LRRC37A: variants seen among roughly 807,000 people sequenced by gnomAD.
LRRC37A encodes leucine rich repeat containing 37A, also known as leucine-rich repeat-containing protein 37A.
LRRC37A carries 3 observed loss-of-function variants against 35.4 expected under a neutral mutation model. That is an observed-to-expected ratio of 0.08 (90% CI 0.04 to 0.22). The LOEUF is 0.22. Among genes scored for constraint, LRRC37A ranks in the 10% least tolerant of loss-of-function variants. LRRC37A has a pLI of 1.00. For synonymous variants in LRRC37A, 23 were observed against 215.0 expected (o/e 0.11, Z 7.81); for missense variants, 67 against 565.3 (o/e 0.12, Z 8.94).
chr17:46,288,143 C>T (rs939781578), upstream of LRRC37A, among the ~76,000 whole-genome samples: 2 of 151,710 alleles, frequency 1.3e-5, no homozygotes, highest in African/African-American at 4.8e-5. Context: ...GTAGTTTATC[C>T]TGTTACCACT....
At chr17:46,316,623 AT>A (rs1376455756) in intron 5 of LRRC37A, among the ~76,000 whole-genome samples, 6 of 72,388 alleles carry the variant, frequency 8.3e-5, no homozygotes, top group African/African-American at 1.1e-4. Flanking sequence ...GTTTTTTTTA[AT>A]TTTTTTTTAT....
the LRRC37A span, among the ~76,000 whole-genome samples, chr17:46,270,166 G>A: frequency 6.6e-6 from 1 of 152,224 alleles, no homozygotes; most frequent in Non-Finnish European, 1.5e-5. Context: ...TGGAGAGAGA[G>A]CAGCCTATTT....
At chr17:46,275,894 A>AT in the LRRC37A span, among the ~76,000 whole-genome samples, 33,074 of 146,494 alleles carry the variant, frequency 0.23, 933 homozygotes, top group Non-Finnish European at 0.27. Context: ...TTTATTCACA[A>AT]TTTTTTTTTT....
chr17:46,248,572 T>A, the LRRC37A span, among the ~76,000 whole-genome samples: 9 of 152,090 alleles, frequency 5.9e-5, no homozygotes, highest in Non-Finnish European at 1.0e-4. Context: ...CAGGCTGCAG[T>A]GCAGCGGCAT....
upstream of LRRC37A, among the ~76,000 whole-genome samples, chr17:46,290,093 T>G (rs1457349953): frequency 6.6e-6 from 1 of 152,286 alleles, no homozygotes; most frequent in Non-Finnish European, 1.5e-5. Flanking sequence ...TGCTGCAATG[T>G]AGATGACAAA....
chr17:46,267,203 G>A, the LRRC37A span: 1 of 635,654 alleles, frequency 1.6e-6, no homozygotes, highest in Non-Finnish European at 2.6e-6. Context: ...GAGTCCCGGA[G>A]AATCCTGCAC....
the LRRC37A span, among the ~76,000 whole-genome samples, chr17:46,262,505 G>A: frequency 4.9e-4 from 75 of 152,354 alleles, no homozygotes; most frequent in East Asian, 3.1e-3. Context: ...GAGCCACTGC[G>A]CCTGGCCCCA....
At chr17:46,287,419 G>A in the LRRC37A span, among the ~76,000 whole-genome samples, 1 of 152,180 alleles carries the variant, frequency 6.6e-6, no homozygotes, top group Non-Finnish European at 1.5e-5. Context: ...ATTTAAATTT[G>A]AAAACAAAGC....
the LRRC37A span, among the ~76,000 whole-genome samples, chr17:46,280,563 A>G: frequency 1.4e-5 from 2 of 144,774 alleles, no homozygotes; most frequent in African/African-American, 5.2e-5. Flanking sequence ...TATTTTTGAT[A>G]GCACACTTTT....
intron 5 of LRRC37A, among the ~76,000 whole-genome samples, chr17:46,319,212 A>ATTTTTTTTTTTTTTTTTTTTTTTTTTT (rs1225879085): frequency 1.2e-3 from 2 of 1,640 alleles, no homozygotes; most frequent in South Asian, 0.028. Flanking sequence ...ATTGTGGTCA[A>ATTTTTTTTTTTTTTTTTTTTTTTTTTT]TTTTTTTTTT....
the LRRC37A span, among the ~76,000 whole-genome samples, chr17:46,278,401 G>T: frequency 0.047 from 6,098 of 129,432 alleles, 170 homozygotes; most frequent in East Asian, 0.091. Flanking sequence ...GTTTTATTTT[G>T]TTTTTTTTTT....
At chr17:46,275,564 G>T in the LRRC37A span, 1 of 502,086 alleles carries the variant, frequency 2.0e-6, no homozygotes, top group Non-Finnish European at 3.7e-6. Flanking sequence ...GAACGATTAA[G>T]AAATTTTTAA....
the LRRC37A span, among the ~76,000 whole-genome samples, chr17:46,251,151 C>T: frequency 5.4e-3 from 818 of 152,248 alleles, 4 homozygotes; most frequent in Non-Finnish European, 7.3e-3. Flanking sequence ...CTGTTTTATC[C>T]TGATAATTCT....
chr17:46,268,694 A>G, the LRRC37A span: 1 of 1,476,604 alleles, frequency 6.8e-7, no homozygotes, highest in Non-Finnish European at 9.0e-7. Context: ...AATGCATTTG[A>G]AACAACCATC....
chr17:46,285,355 C>G, the LRRC37A span, among the ~76,000 whole-genome samples: 55 of 151,920 alleles, frequency 3.6e-4, no homozygotes, highest in Admixed American at 2.6e-4. Context: ...ATTCTCCTGC[C>G]TCAGCCTCCC....
upstream of LRRC37A, among the ~76,000 whole-genome samples, chr17:46,290,923 T>C (rs549750481): frequency 3.3e-5 from 5 of 152,362 alleles, no homozygotes; most frequent in African/African-American, 1.2e-4. Context: ...CCTCTTTTTC[T>C]GCAGGGTAAC....
At chr17:46,292,281 G>A (rs571915259), upstream of LRRC37A, among the ~76,000 whole-genome samples, 19 of 75,258 alleles carry the variant, frequency 2.5e-4, 6 homozygotes, top group Non-Finnish European at 3.9e-4. Context: ...GCAGTGAGCC[G>A]AGATCATGCC....
the LRRC37A span, among the ~76,000 whole-genome samples, chr17:46,270,185 G>C: frequency 6.6e-6 from 1 of 152,198 alleles, no homozygotes; most frequent in South Asian, 2.1e-4. Context: ...TTGGCCTCAC[G>C]GTGATGCACT....
chr17:46,288,943 G>A (rs2049993492), upstream of LRRC37A, among the ~76,000 whole-genome samples: 1 of 152,134 alleles, frequency 6.6e-6, no homozygotes, highest in Non-Finnish European at 1.5e-5. Context: ...GACCTCAGGT[G>A]ACCCATCTCA....
Sources: allele counts gnomAD v4.1 joint callset (sites outside exome capture counted in the v4.1 genomes callset), GRCh38; gene constraint gnomAD v4.1.1; transcripts MANE v1.5; gene names NCBI Gene and HGNC (gene_info 2026-07-23, HGNC 2026-07-21).